ABR: variants seen among roughly 807,000 people sequenced by gnomAD.
The protein encoded by ABR is active breakpoint cluster region-related protein.
In ABR, 35 loss-of-function variants were observed where a neutral mutation model predicts 107.2. That is an observed-to-expected ratio of 0.33 (90% CI 0.25 to 0.43). ABR has a LOEUF of 0.43. Among genes scored for constraint, ABR ranks in the 20% least tolerant of loss-of-function variants. The pLI, the probability that ABR is intolerant of heterozygous loss-of-function variation, is 1.00. For synonymous variants in ABR, 498 were observed against 462.0 expected, an observed-to-expected ratio of 1.08 and a Z score of -1.00; for missense variants, 815 against 1,115.2, an observed-to-expected ratio of 0.73 and a Z score of 3.83.
At chr17:1,162,953 TC>T (rs796351014) in intron 1 of ABR, among the ~76,000 whole-genome samples, 104 of 152,238 alleles carry the variant, frequency 6.8e-4, no homozygotes, top group African/African-American at 2.3e-3. Flanking sequence ...GTGCCTGTAG[TC>T]CCAGCTACTC....
chr17:1,184,285 C>G (rs2042224686), upstream of ABR, among the ~76,000 whole-genome samples: 1 of 152,138 alleles, frequency 6.6e-6, no homozygotes, highest in African/African-American at 2.4e-5. Flanking sequence ...GAAACCCCGT[C>G]CCTACTAAAT....
Position 1,087,465 on chromosome 17 carries a change from C to A in ABR, c.532-3838G>T, listed in dbSNP as rs534026160. Reference sequence around the variant, plus strand: ...GCGCGAGTGGGGACGCCCGGCGTGACGCCAAGGCCAGAGGCATTCAGGTCT... The same window carrying A: ...GCGCGAGTGGGGACGCCCGGCGTGAAGCCAAGGCCAGAGGCATTCAGGTCT... On this transcript the variant is annotated intron_variant, in intron 4 of 22. Transcript: ENST00000302538. 4.8e-3 allele frequency among the ~76,000 whole-genome samples: 735 copies of A among 152,154 alleles called. 3 individuals are homozygous for A. The highest frequency in any genetic ancestry group is 7.8e-3 in the Non-Finnish European group (532 of 68,010).
chr17:1,018,195 A>G (rs1264527714), intron 16 of ABR, among the ~76,000 whole-genome samples: 1 of 151,660 alleles, frequency 6.6e-6, no homozygotes, highest in East Asian at 2.0e-4. Context: ...GGCGCCCGCC[A>G]CCACCCCCGG....
chr17:1,091,557 G>A (rs1207793674), intron 4 of ABR, 108 bp downstream of exon 4: 10 of 1,283,018 alleles, frequency 7.8e-6, no homozygotes, highest in Non-Finnish European at 1.1e-5. Flanking sequence ...GAGGTCTCAG[G>A]CCTTCAAGGA....
intron 1 of ABR, among the ~76,000 whole-genome samples, chr17:1,217,820 G>A (rs1174922860): frequency 2.0e-5 from 3 of 152,186 alleles, no homozygotes; most frequent in African/African-American, 7.2e-5. Flanking sequence ...TCAGCCTCCT[G>A]AGTAGCTGGG....
At chr17:1,217,183 G>A (rs1198240865) in intron 1 of ABR, among the ~76,000 whole-genome samples, 4 of 152,140 alleles carry the variant, frequency 2.6e-5, no homozygotes, top group African/African-American at 9.7e-5. Flanking sequence ...CCTACAAAAC[G>A]AGGCTTTCTC....
At chr17:1,068,624 A>G (rs1289366533) in intron 9 of ABR, among the ~76,000 whole-genome samples, 3 of 152,248 alleles carry the variant, frequency 2.0e-5, no homozygotes, top group African/African-American at 7.2e-5. Context: ...TGAACGCAGA[A>G]TGAGCCTCTG....
rs561975133 is a variant in ABR at position 1,210,211 on chromosome 17, G to T, written c.838+18582C>A. Among the ~76,000 whole-genome samples, 1 of 152,150 alleles carries T rather than the reference G, an allele frequency of 6.6e-6. No individual in the cohort carries two copies. Among genetic ancestry groups the T allele is most frequent in the Non-Finnish European group, 1.5e-5 (1 of 68,028 alleles). Reference sequence around the variant, plus strand: ...GTGGGGGCTGTCACTTTTTACCTGCGTAGAAAGTTCTGACCTAAGCCGGGC... The same window carrying T: ...GTGGGGGCTGTCACTTTTTACCTGCTTAGAAAGTTCTGACCTAAGCCGGGC... On this transcript the variant is annotated intron_variant, in intron 1 of 22. Coordinates refer to the ABR transcript ENST00000574139. The surrounding 1 kb of genome is among the most constrained non-coding windows in gnomAD (Gnocchi z 5.6).
chr17:1,091,325 C>G lies in ABR; in HGVS notation c.531+340G>C, dbSNP rs541650371. 1.9e-3 allele frequency among the ~76,000 whole-genome samples: 220 copies of G among 114,686 alleles called. 3 individuals are homozygous for G. The South Asian group carries it at 0.06, about 31-fold the overall frequency. 75.2% of individuals were successfully genotyped at this position (114,686 alleles called of 152,430 possible). On this transcript the variant is annotated intron_variant, in intron 4 of 22. Transcript: ENST00000302538. ...CACCGTCCGGGAAAGACGGAGCACC[C>G]TCCGGGAGGGAGAAGGAGCACCCTC...
intron 1 of ABR, among the ~76,000 whole-genome samples, chr17:1,140,703 C>T (rs1191740676): frequency 6.6e-6 from 1 of 152,080 alleles, no homozygotes; most frequent in Non-Finnish European, 1.5e-5. Flanking sequence ...CTGTCTCAGC[C>T]TCCCAAGTAG....
intron 2 of ABR, among the ~76,000 whole-genome samples, chr17:1,123,149 C>T (rs1031410922): frequency 3.3e-5 from 5 of 152,074 alleles, no homozygotes; most frequent in African/African-American, 1.2e-4. Context: ...TAGGTGGGGC[C>T]GGTGACCCAG....
intron 12 of ABR, among the ~76,000 whole-genome samples, chr17:1,057,620 G>A (rs1217348291): frequency 1.3e-5 from 2 of 148,668 alleles, no homozygotes; most frequent in African/African-American, 2.5e-5. Context: ...GGGATTACAG[G>A]CGTAAGCCAC....
chr17:1,174,105 C>T (rs1567859273), intron 1 of ABR, among the ~76,000 whole-genome samples: 1 of 152,212 alleles, frequency 6.6e-6, no homozygotes, highest in Non-Finnish European at 1.5e-5. Context: ...CCGCCATTCC[C>T]CATCTTCCAT....
chr17:1,136,883 G>T (rs1006534429), intron 1 of ABR, among the ~76,000 whole-genome samples: 1 of 152,162 alleles, frequency 6.6e-6, no homozygotes, highest in African/African-American at 2.4e-5. Context: ...CACTGGAGAA[G>T]CACTTTGAAT....
chr17:1,130,436 C>T (rs1269144061), intron 1 of ABR, among the ~76,000 whole-genome samples: 1 of 152,024 alleles, frequency 6.6e-6, no homozygotes, highest in East Asian at 1.9e-4. Context: ...CCACAGCAGC[C>T]GGGTCACAAA....
intron 16 of ABR, among the ~76,000 whole-genome samples, chr17:1,028,102 C>G (rs182515157): frequency 9.2e-5 from 14 of 152,062 alleles, no homozygotes; most frequent in African/African-American, 3.1e-4. Flanking sequence ...TTTCCTCCCC[C>G]CACCCCAAGA....
In ABR at chr17:1,021,165, G is replaced by C. The variant is rs569042874; in HGVS notation, c.1792-8001C>G. On this transcript the variant is annotated intron_variant, in intron 16 of 22. Coordinates refer to ENST00000302538, the MANE Select transcript of ABR (RefSeq NM_021962.5). ...CTGGCCACTGGGGGTCTCAGTGGAG[G>C]GGGGAGCAGAGGTCCCAAGCAGCCT... is the stretch of plus-strand genomic sequence containing the variant. Among the ~76,000 whole-genome samples the C allele has an allele frequency of 3.8e-4, 58 of 152,312 alleles. No homozygotes were observed. In the South Asian group the frequency reaches 7.5e-3, roughly 20 times the overall value.
intron 2 of ABR, chr17:1,108,955 G>C: frequency 6.3e-7 from 1 of 1,595,890 alleles, no homozygotes; most frequent in Non-Finnish European, 8.5e-7. Context: ...CCAGGAAGGG[G>C]GACCCTGAGC....
chr17:1,049,855 G>GCA (rs1251064875), intron 16 of ABR, 195 bp downstream of exon 16: 1 of 675,116 alleles, frequency 1.5e-6, no homozygotes, highest in African/African-American at 1.8e-5. Context: ...GAGGAGCCAC[G>GCA]CACACGCCTG....
Sources: allele counts gnomAD v4.1 joint callset (sites outside exome capture counted in the v4.1 genomes callset), GRCh38; gene constraint gnomAD v4.1.1; non-coding constraint Gnocchi (gnomAD v3.1); transcripts MANE v1.5; gene names NCBI Gene and HGNC (gene_info 2026-07-23, HGNC 2026-07-21).